MAF: variants seen among roughly 807,000 people sequenced by gnomAD.
The protein encoded by MAF is MAF bZIP transcription factor.
In MAF, 10 loss-of-function variants were observed where a neutral mutation model predicts 22.0. The ratio of observed to expected loss-of-function variants is 0.45; its 90% confidence interval spans 0.28 to 0.77. The LOEUF (loss-of-function observed/expected upper bound fraction) is 0.77. MAF is among the 30% of genes least tolerant of loss of function. The pLI is 0.12. For synonymous variants in MAF, 337 were observed against 255.8 expected (o/e 1.32, Z -3.03); for missense variants, 544 against 548.4 (o/e 0.99, Z 0.08).
At chr16:79,301,091 G>C in the MAF span, among the ~76,000 whole-genome samples, 4 of 152,054 alleles carry the variant, frequency 2.6e-5, no homozygotes, top group African/African-American at 9.7e-5. Context: ...TCTCAACAAA[G>C]AGCCGTCCAG....
At chr16:79,398,289 G>C in the MAF span, among the ~76,000 whole-genome samples, 2 of 152,120 alleles carry the variant, frequency 1.3e-5, no homozygotes, top group Admixed American at 1.3e-4. Context: ...TCTCCCCAAG[G>C]TCAACTGATT....
chr16:79,362,297 G>A, the MAF span, among the ~76,000 whole-genome samples: 1 of 152,200 alleles, frequency 6.6e-6, no homozygotes, highest in African/African-American at 2.4e-5. Flanking sequence ...TGCAGCATCT[G>A]ATGACTATGC....
At chr16:79,598,077 C>T in intron 1 of MAF, 1 of 1,042,342 alleles carries the variant, frequency 9.6e-7, no homozygotes, top group South Asian at 4.6e-5. Flanking sequence ...GAACTCGGCA[C>T]GCTGCAAGTC....
chr16:79,355,619 C>T, the MAF span, among the ~76,000 whole-genome samples: 1 of 152,196 alleles, frequency 6.6e-6, no homozygotes, highest in African/African-American at 2.4e-5. Flanking sequence ...TGAGAATAAG[C>T]ATACAGTAGG....
At chr16:79,271,208 A>G in the MAF span, among the ~76,000 whole-genome samples, 1 of 151,716 alleles carries the variant, frequency 6.6e-6, no homozygotes, top group Non-Finnish European at 1.5e-5. Context: ...GAGCCACCGC[A>G]CCCAGCCATG....
the MAF span, among the ~76,000 whole-genome samples, chr16:79,488,389 C>T: frequency 5.3e-5 from 8 of 152,260 alleles, no homozygotes; most frequent in Admixed American, 2.6e-4. Context: ...GGCGAGACTG[C>T]TTGGGATTGG....
chr16:79,290,586 G>A, the MAF span, among the ~76,000 whole-genome samples: 4 of 133,962 alleles, frequency 3.0e-5, no homozygotes, highest in Admixed American at 1.4e-4. Flanking sequence ...CTAATCCAGA[G>A]TAAAACAGAG....
the MAF span, among the ~76,000 whole-genome samples, chr16:79,541,662 G>GTTT: frequency 2.3e-4 from 28 of 123,864 alleles, no homozygotes; most frequent in African/African-American, 3.3e-4. Context: ...GGTTTTTTTA[G>GTTT]TTTTTTTTTT....
the MAF span, among the ~76,000 whole-genome samples, chr16:79,231,373 G>C: frequency 3.9e-5 from 6 of 152,022 alleles, no homozygotes; most frequent in Admixed American, 3.3e-4. Context: ...ATTAACATCA[G>C]ATATAAACCT....
At chr16:79,378,612 A>C in the MAF span, among the ~76,000 whole-genome samples, 7 of 152,196 alleles carry the variant, frequency 4.6e-5, no homozygotes, top group Non-Finnish European at 8.8e-5. Context: ...TGAGGGAATA[A>C]ATGTTTACCC....
chr16:79,211,572 T>TA, the MAF span: 17 of 1,614,036 alleles, frequency 1.1e-5, no homozygotes, highest in Non-Finnish European at 1.4e-5. Context: ...CTCCTTTTCT[T>TA]AAAATTTTTT....
the MAF span, among the ~76,000 whole-genome samples, chr16:79,472,732 C>T: frequency 6.6e-6 from 1 of 151,694 alleles, no homozygotes; most frequent in Non-Finnish European, 1.5e-5. Flanking sequence ...ATACAAAAGC[C>T]CATTAAATGT....
chr16:79,398,700 A>ACC, the MAF span, among the ~76,000 whole-genome samples: 3 of 151,076 alleles, frequency 2.0e-5, no homozygotes, highest in Non-Finnish European at 4.4e-5. Context: ...CTTGGACTTG[A>ACC]CCTCCCCATC....
At chr16:79,381,741 G>C in the MAF span, among the ~76,000 whole-genome samples, 3 of 152,168 alleles carry the variant, frequency 2.0e-5, no homozygotes, top group Non-Finnish European at 4.4e-5. Context: ...TTTCTCAACA[G>C]CTTGGAAGCC....
the MAF span, among the ~76,000 whole-genome samples, chr16:79,352,593 T>G: frequency 6.6e-6 from 1 of 152,340 alleles, no homozygotes; most frequent in East Asian, 1.9e-4. Flanking sequence ...TTATTTATAT[T>G]TTTTAACAGA....
chr16:79,432,613 T>A, the MAF span, among the ~76,000 whole-genome samples: 2 of 152,192 alleles, frequency 1.3e-5, no homozygotes, highest in Non-Finnish European at 2.9e-5. Flanking sequence ...ACATTGTATT[T>A]CAGAATGTGA....
At chr16:79,363,201 G>T in the MAF span, among the ~76,000 whole-genome samples, 1 of 152,078 alleles carries the variant, frequency 6.6e-6, no homozygotes, top group African/African-American at 2.4e-5. Context: ...CAAGGGTAGG[G>T]GGGTGGGGAA....
At chr16:79,460,594 C>T in the MAF span, among the ~76,000 whole-genome samples, 2 of 152,232 alleles carry the variant, frequency 1.3e-5, no homozygotes, top group African/African-American at 2.4e-5. Context: ...TGCTCTTTTG[C>T]TTATTAATTC....
At chr16:79,362,904 C>G in the MAF span, among the ~76,000 whole-genome samples, 1 of 152,176 alleles carries the variant, frequency 6.6e-6, no homozygotes, top group Non-Finnish European at 1.5e-5. Context: ...CTGTTATATA[C>G]TGGTATATCC....
Sources: allele counts gnomAD v4.1 joint callset (sites outside exome capture counted in the v4.1 genomes callset), GRCh38; gene constraint gnomAD v4.1.1; transcripts MANE v1.5; gene names NCBI Gene and HGNC (gene_info 2026-07-23, HGNC 2026-07-21).